Variants in GTF2I observed in about 807,000 individuals in gnomAD.
GTF2I encodes general transcription factor IIi.
A neutral mutation model predicts 67.6 loss-of-function variants in GTF2I; 12 were observed. The observed-to-expected ratio is 0.18, with a 90% confidence interval of 0.11 to 0.29. The LOEUF is 0.29. GTF2I is among the 10% of genes least tolerant of loss of function. The pLI is 1.00. For synonymous variants in GTF2I, 149 were observed against 197.0 expected, an observed-to-expected ratio of 0.76 and a Z score of 2.04; for missense variants, 271 against 580.1, an observed-to-expected ratio of 0.47 and a Z score of 5.47.
chr7:74,680,891 G>A (rs1318790055), intron 1 of GTF2I, among the ~76,000 whole-genome samples: 2 of 152,170 alleles, frequency 1.3e-5, no homozygotes, highest in African/African-American at 2.4e-5. Context: ...GCAAGGACAC[G>A]GATAAATCTA....
At chr7:74,672,001 C>A (rs587665295) in intron 1 of GTF2I, among the ~76,000 whole-genome samples, 1 of 151,840 alleles carries the variant, frequency 6.6e-6, no homozygotes, top group Admixed American at 6.6e-5. Flanking sequence ...AAAATTCAAA[C>A]CCTTGATTTA....
At chr7:74,723,718 A>T (rs141930270) in intron 12 of GTF2I, among the ~76,000 whole-genome samples, 1 of 151,920 alleles carries the variant, frequency 6.6e-6, no homozygotes, top group Non-Finnish European at 1.5e-5. Context: ...GGCATGAACC[A>T]CCGCGCCTGG....
At chr7:74,707,321 C>G (rs1242574422) in intron 8 of GTF2I, among the ~76,000 whole-genome samples, 1 of 152,240 alleles carries the variant, frequency 6.6e-6, no homozygotes, top group Non-Finnish European at 1.5e-5. Flanking sequence ...TGGGCTGTCA[C>G]CGCCCTGCCT....
At position 74,699,079 on chromosome 7, in the gene GTF2I, T is replaced by C. The variant is rs1554399206; in HGVS notation, c.357T>C (p.Tyr119=). ...IETLRKTVED[Y]FCFCYGKALG... Reference sequence around the variant, plus strand: ...CACTCAGAAAAACAGTTGAGGACTATTTCTGCTTTTGCTATGGTAAAAACA... The same window carrying C: ...CACTCAGAAAAACAGTTGAGGACTACTTCTGCTTTTGCTATGGTAAAAACA... The change falls in exon 4 of 35, where the codon TAT becomes TAC. Residue 119 remains tyrosine (Y), a synonymous_variant. Coordinates refer to ENST00000573035, the MANE Select transcript of GTF2I (RefSeq NM_032999.4). 2 of 1,513,248 alleles carry C rather than the reference T, an allele frequency of 1.3e-6. No homozygotes were observed. The highest frequency in any genetic ancestry group is 2.1e-5 in the Admixed American group (1 of 47,826). The allele number at this position is 1,513,248 out of a possible 1,614,324, so 93.7% of individuals were successfully genotyped here. A position where few individuals can be genotyped will look rare whatever the true frequency, so the allele number is the denominator to read the frequency against.
chr7:74,661,908 A>G (rs1804531634), intron 1 of GTF2I, among the ~76,000 whole-genome samples: 1 of 152,124 alleles, frequency 6.6e-6, no homozygotes. Context: ...TTATTTATTA[A>G]TTTAGTCGCA....
At chr7:74,722,732 C>T (rs901692086) in intron 12 of GTF2I, 4 of 152,154 alleles carry the variant, frequency 2.6e-5, no homozygotes, top group African/African-American at 9.7e-5. Context: ...ATAATTGACT[C>T]ACATGACCAC....
At chr7:74,694,798 A>G (rs1225233536) in intron 3 of GTF2I, among the ~76,000 whole-genome samples, 1 of 152,212 alleles carries the variant, frequency 6.6e-6, no homozygotes, top group Non-Finnish European at 1.5e-5. Context: ...AGAGAAGTTC[A>G]TTCCTGGCTT....
chr7:74,750,081 TAATAG>T (rs1795711418), intron 26 of GTF2I, among the ~76,000 whole-genome samples: 1 of 109,502 alleles, frequency 9.1e-6, no homozygotes, highest in African/African-American at 2.9e-5. Context: ...TTCTCCAACT[TAATAG>T]AATATTTTCA....
intron 1 of GTF2I, among the ~76,000 whole-genome samples, chr7:74,675,776 G>A (rs1554392204): frequency 6.6e-6 from 1 of 152,082 alleles, no homozygotes; most frequent in Non-Finnish European, 1.5e-5. Context: ...TTGGGAGGCC[G>A]AGGTGGGCAG....
chr7:74,714,949 C>G (rs1040442599), intron 10 of GTF2I, 33 bp downstream of exon 10: 2 of 1,351,436 alleles, frequency 1.5e-6, no homozygotes, highest in African/African-American at 2.9e-5. Flanking sequence ...CTCCCACATA[C>G]TGCTTGTGTT....
intron 1 of GTF2I, among the ~76,000 whole-genome samples, chr7:74,670,229 T>A (rs1397235892): frequency 6.6e-6 from 1 of 152,208 alleles, no homozygotes; most frequent in Non-Finnish European, 1.5e-5. Flanking sequence ...CTTTGTAAGG[T>A]AAGTATGCAG....
rs74818027 is a variant in GTF2I at position 74,721,965 on chromosome 7, G to A, written c.943+3024G>A. On this transcript the variant is annotated intron_variant, in intron 12 of 34. Transcript: ENST00000573035. ...AAATACTCATGCTTGGTAGGAAGAC[G>A]GACAAAAATAAACTGAGATATTCCT... Among the ~76,000 whole-genome samples, 488 of 152,102 alleles carry A rather than the reference G, an allele frequency of 3.2e-3. 1 individual carries two copies. Among genetic ancestry groups the A allele is most frequent in the Non-Finnish European group, 5.5e-3 (374 of 67,990 alleles).
intron 12 of GTF2I, among the ~76,000 whole-genome samples, chr7:74,721,033 G>A (rs1466192039): frequency 6.6e-6 from 1 of 151,696 alleles, no homozygotes; most frequent in African/African-American, 2.4e-5. Context: ...TCATTTATTT[G>A]TTTATTTATT....
At chr7:74,671,441 GTTAAAT>G in intron 1 of GTF2I, among the ~76,000 whole-genome samples, 1 of 149,418 alleles carries the variant, frequency 6.7e-6, no homozygotes, top group East Asian at 1.9e-4. Context: ...TTTTAAAAAA[GTTAAAT>G]TTAGCTATTA....
Position 74,716,964 on chromosome 7 carries a change from G to A in GTF2I, c.880+14G>A. ...TACCAGCAGAAGGTTAGGAGAAAAA[G>A]AGATTGCATATTTTCCACTATTTGT... On this transcript the variant is annotated intron_variant, in intron 11 of 34. Transcript: ENST00000573035. 1.9e-6 allele frequency: 3 copies of A among 1,592,494 alleles called. No homozygotes were observed. Among genetic ancestry groups the A allele is most frequent in the Non-Finnish European group, 2.6e-6 (3 of 1,162,684 alleles).
At chr7:74,694,652 G>A (rs782233210) in intron 3 of GTF2I, among the ~76,000 whole-genome samples, 3 of 152,194 alleles carry the variant, frequency 2.0e-5, no homozygotes, top group Non-Finnish European at 4.4e-5. Flanking sequence ...AGTGTTTGAT[G>A]TAGAAACTGC....
intron 10 of GTF2I, among the ~76,000 whole-genome samples, chr7:74,715,720 C>A (rs1792175362): frequency 1.3e-5 from 2 of 151,890 alleles, no homozygotes; most frequent in African/African-American, 2.4e-5. Context: ...AAGAGTGACT[C>A]ATAGGTATAG....
chr7:74,702,803 AG>A (rs1789999587), intron 6 of GTF2I, among the ~76,000 whole-genome samples: 1 of 147,500 alleles, frequency 6.8e-6, no homozygotes, highest in Admixed American at 6.9e-5. Context: ...GCGCCATCTC[AG>A]CTTAGTGCAG....
At chr7:74,703,289 T>C (rs1451440627) in intron 6 of GTF2I, among the ~76,000 whole-genome samples, 1 of 152,222 alleles carries the variant, frequency 6.6e-6, no homozygotes, top group East Asian at 1.9e-4. Context: ...ATTATCCTTA[T>C]TGTATAACTT....
Sources: gnomAD v4.1 joint callset for allele counts (sites outside exome capture counted in the v4.1 genomes callset) on GRCh38, gnomAD v4.1.1 for gene constraint, MANE v1.5 for transcripts, NCBI Gene and HGNC (gene_info 2026-07-23, HGNC 2026-07-21) for gene names.